The following LIPF variants were observed in gnomAD, a reference collection of about 807,000 sequenced individuals.
The protein encoded by LIPF is lipase F, gastric type.
In LIPF, 25 loss-of-function variants were observed where a neutral mutation model predicts 38.0. The ratio of observed to expected loss-of-function variants is 0.66; its 90% CI spans 0.48 to 0.92. The LOEUF is 0.92. LIPF is among the 40% of genes least tolerant of loss of function. The pLI is 0.00. For missense variants in LIPF, 410 were observed against 469.9 expected (o/e 0.87, Z 1.18); for synonymous variants, 161 against 156.2 (o/e 1.03, Z -0.23).
intron 1 of LIPF, among the ~76,000 whole-genome samples, chr10:88,666,664 C>T (rs996916654): frequency 6.6e-6 from 1 of 151,910 alleles, no homozygotes; most frequent in Non-Finnish European, 1.5e-5. Flanking sequence ...CGAGACCAGT[C>T]TGAGTAATGT....
At chr10:88,678,217 C>T (rs574888138) in intron 9 of LIPF, among the ~76,000 whole-genome samples, 1 of 152,308 alleles carries the variant, frequency 6.6e-6, no homozygotes, top group South Asian at 2.1e-4. Context: ...ATTTTTACTT[C>T]AACAAGATCT....
chr10:88,671,439 T>C (rs1253956656), intron 5 of LIPF, among the ~76,000 whole-genome samples: 1 of 152,198 alleles, frequency 6.6e-6, no homozygotes, highest in East Asian at 1.9e-4. Flanking sequence ...TTTCCACTTA[T>C]ATACTCTACT....
In LIPF at chr10:88,668,421, G is replaced by A. The variant is rs767412152; in HGVS notation, c.224-137G>A. 1.7e-5 allele frequency: 13 copies of A among 756,308 alleles called. No homozygotes were observed. In the South Asian group the frequency reaches 2.3e-4, roughly 13 times the overall value. 46.8% of individuals were successfully genotyped at this position (756,308 alleles called of 1,614,324 possible). The stretch of plus-strand genomic sequence containing the variant: ...CCTGAGAAATCATCACCACAATTAC[G>A]ATAAGATATTCAAAAATAATCAACT... On this transcript the variant is annotated intron_variant, in intron 3 of 9. Transcript: ENST00000238983.
chr10:88,669,815 CATTTT>C lies in LIPF; in HGVS notation c.423-21_423-17del, dbSNP rs1258168715. ...AATAGCAAGGAAATGTATTCACTTT[CATTTT>C]GTCTTTTTCCTTTCAGCTTTGATGA... On this transcript the variant is annotated splice_polypyrimidine_tract_variant and intron_variant, in intron 4 of 9. Transcript: ENST00000238983. 5 of 1,496,592 alleles carry C rather than the reference CATTTT, an allele frequency of 3.3e-6. No homozygotes were observed. The highest frequency in any genetic ancestry group is 4.6e-6 in the Non-Finnish European group (5 of 1,077,078). The allele number at this position is 1,496,592 out of a possible 1,614,324, so 92.7% of individuals were successfully genotyped here.
In LIPF at chr10:88,678,652, G is replaced by A. The variant is rs1348160457; in HGVS notation, c.1168G>A (p.Val390Ile). ...CCCTCAAGAAGTTTACAATGACATT[G>A]TTTCTATGATATCAGAAGATAAAAA... The part of the protein sequence containing the change: ...DAPQEVYNDI[V>I]SMISEDKK The change falls in exon 10 of 10, where the codon GTT becomes ATT. Residue 390 changes from valine (V) to isoleucine (I), a missense_variant. Physicochemically the swap from Val to Ile is conservative, Grantham distance 29. Transcript: ENST00000238983. 1 of 1,610,518 alleles carries A rather than the reference G, an allele frequency of 6.2e-7. No homozygotes were observed. Among genetic ancestry groups the A allele is most frequent in the East Asian group, 2.2e-5 (1 of 44,848 alleles).
intron 3 of LIPF, 67 bp downstream of exon 3, chr10:88,667,753 C>T (rs1841535835): frequency 2.9e-6 from 2 of 689,082 alleles, no homozygotes; most frequent in East Asian, 5.2e-5. Context: ...TTCTTCCTTC[C>T]CTCTCTCCTT....
At chr10:88,666,128 A>C (rs907001819) in intron 1 of LIPF, among the ~76,000 whole-genome samples, 6 of 152,200 alleles carry the variant, frequency 3.9e-5, no homozygotes, top group Non-Finnish European at 8.8e-5. Context: ...TTAGGCCTTG[A>C]GAGTTCTGGT....
intron 5 of LIPF, among the ~76,000 whole-genome samples, chr10:88,670,767 T>TA (rs1314499081): frequency 2.6e-5 from 4 of 152,028 alleles, no homozygotes; most frequent in African/African-American, 9.7e-5. Flanking sequence ...TTCACTCTGA[T>TA]AAAAAAAGAA....
chr10:88,678,685 T>C lies in LIPF; in HGVS notation c.*4T>C. On this transcript the variant is annotated 3_prime_UTR_variant, in exon 10 of 10. Transcript: ENST00000238983. ...GATATCAGAAGATAAAAAGTAGTTC[T>C]GGATTTAAAGAATTATCCGTTTGTT... is the stretch of plus-strand genomic sequence containing the variant. 6.4e-7 allele frequency: 1 copy of C among 1,566,618 alleles called. No individual in the cohort carries two copies. Among genetic ancestry groups the C allele is most frequent in the Non-Finnish European group, 8.8e-7 (1 of 1,137,212 alleles).
chr10:88,678,592 T>G lies in LIPF; in HGVS notation c.1108T>G (p.Tyr370Asp), dbSNP rs368873630. The change falls in exon 10 of 10, where the codon TAC becomes GAC. Residue 370 changes from tyrosine to aspartate, a missense_variant. Coordinates refer to ENST00000238983, the MANE Select transcript of LIPF (RefSeq NM_004190.4). Reference sequence around the variant, plus strand: ...TATTTACCACAAGGAGATTCCTTTTTACAATCACTTGGACTTTATCTGGGC... The same window carrying G: ...TATTTACCACAAGGAGATTCCTTTTGACAATCACTTGGACTTTATCTGGGC... ...NLIYHKEIPFYNHLDFIWAMD... is the reference protein window; with the variant it reads ...NLIYHKEIPFDNHLDFIWAMD... 11 of 1,613,972 alleles carry G rather than the reference T, an allele frequency of 6.8e-6. No individual in the cohort carries two copies. The highest frequency in any genetic ancestry group is 8.5e-7 in the Non-Finnish European group (1 of 1,179,930).
Position 88,674,982 on chromosome 10 carries a change from AAGAC to A in LIPF, c.817-602_817-599del, listed in dbSNP as rs954025002. Among the ~76,000 whole-genome samples the A allele has an allele frequency of 6.6e-4, 101 of 152,310 alleles. No homozygotes were observed. In the Middle Eastern group the frequency reaches 0.01, roughly 15 times the overall value. ...CTTATAAGAAAAATAATAGTAAAAT[AAGAC>A]AAAGGAAACAAAGGAAATTAGAGAT... is the stretch of plus-strand genomic sequence containing the variant. On this transcript the variant is annotated intron_variant, in intron 7 of 9. Coordinates refer to ENST00000238983, the MANE Select transcript of LIPF (RefSeq NM_004190.4).
Position 88,678,545 on chromosome 10 carries a change from T to C in LIPF, c.1061T>C (p.Leu354Ser). The C allele has an allele frequency of 6.2e-7, 1 of 1,614,066 alleles. No individual in the cohort carries two copies. The highest frequency in any genetic ancestry group is 1.1e-5 in the South Asian group (1 of 91,072). Residue 354 changes from leucine to serine, a missense_variant, in exon 10 of 10, where the codon TTG becomes TCG. Leu to Ser is a moderately radical substitution (Grantham distance 145). Transcript: ENST00000238983. ...GCTGACCCCCAAGATGTTGGCCTTTTGCTTCCAAAACTCCCCAATCTTATT... is the reference window on the plus strand; with the variant it reads ...GCTGACCCCCAAGATGTTGGCCTTTCGCTTCCAAAACTCCCCAATCTTATT... ...LLADPQDVGL[L>S]LPKLPNLIYH... is the part of the protein sequence containing the mutation.
chr10:88,676,146 T>C, intron 8 of LIPF, 63 bp from the exon 9 acceptor site: 1 of 980,160 alleles, frequency 1.0e-6, no homozygotes, highest in South Asian at 1.6e-5. Flanking sequence ...TTGGAAATGT[T>C]TGAATTTTAT....
At chr10:88,669,769 A>G in intron 4 of LIPF, 68 bp from the exon 5 acceptor site, 1 of 1,121,854 alleles carries the variant, frequency 8.9e-7, no homozygotes, top group Non-Finnish European at 1.3e-6. Context: ...CATTAGCTAT[A>G]AATGCTTGAA....
chr10:88,676,252 C>T lies in LIPF; in HGVS notation c.932C>T (p.Pro311Leu). ...TTCCAAGCTTATGACTGGGGAAGCCCAGTTCAGAATAGGATGCACTATGAT... is the reference window on the plus strand; with the variant it reads ...TTCCAAGCTTATGACTGGGGAAGCCTAGTTCAGAATAGGATGCACTATGAT... ...GKFQAYDWGSPVQNRMHYDQS... is the reference protein window; with the variant it reads ...GKFQAYDWGSLVQNRMHYDQS... Residue 311 changes from proline (P) to leucine (L), a missense_variant, in exon 9 of 10, where the codon CCA becomes CTA. By Grantham distance (98) the Pro-to-Leu change is moderately conservative. Coordinates refer to ENST00000238983, the MANE Select transcript of LIPF (RefSeq NM_004190.4). The T allele has an allele frequency of 6.2e-7, 1 of 1,608,984 alleles. No individual in the cohort carries two copies. Among genetic ancestry groups the T allele is most frequent in the Non-Finnish European group, 8.5e-7 (1 of 1,176,608 alleles).
chr10:88,673,733 C>G lies in LIPF; in HGVS notation c.815C>G (p.Thr272Arg). Reference sequence around the variant, plus strand: ...GGATTTGACAGTAAGAACTTTAACACGGTTAGTATGCATTTCAATTTCTAT... The same window carrying G: ...GGATTTGACAGTAAGAACTTTAACAGGGTTAGTATGCATTTCAATTTCTAT... ...ICGFDSKNFN[T>R]SRLDVYLSHN... Residue 272 changes from threonine (T) to arginine (R), a missense_variant and splice_region_variant, in exon 7 of 10, where the codon ACG becomes AGG. Coordinates refer to ENST00000238983, the MANE Select transcript of LIPF (RefSeq NM_004190.4). 6.2e-7 allele frequency: 1 copy of G among 1,606,596 alleles called. No individual in the cohort carries two copies. Among genetic ancestry groups the G allele is most frequent in the African/African-American group, 1.3e-5 (1 of 74,642 alleles).
At chr10:88,676,423 G>A in intron 9 of LIPF, 143 bp downstream of exon 9, 1 of 620,230 alleles carries the variant, frequency 1.6e-6, no homozygotes, top group South Asian at 2.1e-5. Flanking sequence ...ACATGACTAT[G>A]CATTCCTGCT....
rs556845059 is a variant in LIPF, at chr10:88,665,651, T to C, written c.-12+1160T>C. 18 of 870,908 alleles carry C rather than the reference T, an allele frequency of 2.1e-5. No individual in the cohort carries two copies. In the East Asian group the frequency reaches 4.8e-4, roughly 23 times the overall value. 53.9% of individuals were successfully genotyped at this position (870,908 alleles called of 1,614,324 possible). A position where few individuals can be genotyped will look rare whatever the true frequency, so the allele number is the denominator to read the frequency against. On this transcript the variant is annotated intron_variant, in intron 1 of 9. Coordinates refer to ENST00000238983, the MANE Select transcript of LIPF (RefSeq NM_004190.4). ...GTTTGATGAAAGCCTCTGGTTTGAA[T>C]GTTACAACACTACTGGTTAGTCTTT...
At chr10:88,678,060 C>T (rs1199400475) in intron 9 of LIPF, among the ~76,000 whole-genome samples, 15 of 152,138 alleles carry the variant, frequency 9.9e-5, no homozygotes. Flanking sequence ...AATCCATTTC[C>T]CTTAGCTTGA....
Sources: allele counts gnomAD v4.1 joint callset (sites outside exome capture counted in the v4.1 genomes callset), GRCh38; gene constraint gnomAD v4.1.1; transcripts MANE v1.5; gene names NCBI Gene and HGNC (gene_info 2026-07-23, HGNC 2026-07-21).